The following DDHD1 variants were observed in gnomAD, a reference collection of about 807,000 sequenced individuals.
DDHD1 encodes the protein DDHD domain containing 1, also known as phospholipase DDHD1.
DDHD1 carries 49 observed loss-of-function variants against 96.4 expected under a neutral mutation model. The observed-to-expected ratio is 0.51, with a 90% CI of 0.40 to 0.64. DDHD1 has a LOEUF of 0.64. DDHD1 is among the 30% of genes least tolerant of loss of function. DDHD1 has a pLI of 0.00. For missense variants in DDHD1, 1,106 were observed against 1,161.2 expected (o/e 0.95, Z 0.69); for synonymous variants, 442 against 446.5 (o/e 0.99, Z 0.13).
At chr14:53,125,679 T>C (rs1302491161) in intron 1 of DDHD1, among the ~76,000 whole-genome samples, 1 of 152,046 alleles carries the variant, frequency 6.6e-6, no homozygotes, top group Non-Finnish European at 1.5e-5. Flanking sequence ...CAGAATCACC[T>C]GAGGAATTAA....
chr14:53,152,538 C>A lies in DDHD1; in HGVS notation c.561G>T (p.Ser187=). The A allele has an allele frequency of 6.2e-7, 1 of 1,613,492 alleles. No individual in the cohort carries two copies. Among genetic ancestry groups the A allele is most frequent in the Non-Finnish European group, 8.5e-7 (1 of 1,179,928 alleles). The change falls in exon 1 of 13, where the codon TCG becomes TCT. Residue 187 remains serine (S), a synonymous_variant. Transcript: ENST00000673822. ...KTWKPFIGYD[S]LRIELAFRTL... is the part of the protein sequence containing the mutation. The stretch of plus-strand genomic sequence containing the variant: ...TCCGGAAGGCGAGCTCGATGCGGAG[C>A]GAGTCGTAGCCGATGAAGGGCTTCC...
intron 1 of DDHD1, among the ~76,000 whole-genome samples, chr14:53,128,709 GTC>G (rs1399802031): frequency 2.0e-5 from 3 of 152,178 alleles, no homozygotes; most frequent in Non-Finnish European, 2.9e-5. Flanking sequence ...TGATACAAAA[GTC>G]TATCACTTCT....
At chr14:53,102,706 T>C (rs1290731886) in intron 2 of DDHD1, among the ~76,000 whole-genome samples, 1 of 151,506 alleles carries the variant, frequency 6.6e-6, no homozygotes, top group Non-Finnish European at 1.5e-5. Flanking sequence ...GGAGTGTTAC[T>C]AACAAGAAGA....
chr14:53,054,248 G>A (rs1170840092), intron 11 of DDHD1, 190 bp downstream of exon 11: 7 of 535,088 alleles, frequency 1.3e-5, no homozygotes, highest in Non-Finnish European at 2.3e-5. Flanking sequence ...AATGCAGAAA[G>A]TAAAACTGCA....
chr14:53,088,092 T>C (rs202121392), intron 4 of DDHD1, among the ~76,000 whole-genome samples: 2 of 152,128 alleles, frequency 1.3e-5, no homozygotes, highest in Non-Finnish European at 2.9e-5. Context: ...CCTGGACACA[T>C]ACACCTTTCC....
chr14:53,109,750 A>G (rs1381356272), intron 1 of DDHD1, among the ~76,000 whole-genome samples: 1 of 152,204 alleles, frequency 6.6e-6, no homozygotes, highest in African/African-American at 2.4e-5. Flanking sequence ...TTTACAAATG[A>G]ATAAGCTAAG....
rs913706379 is a variant in DDHD1 at position 53,038,373 on chromosome 14, A to G, written c.*8395T>C. On this transcript the variant is annotated 3_prime_UTR_variant, in exon 13 of 13. Transcript: ENST00000673822. ...ATTAGGAGCATTTCTATACACCAAT[A>G]ACGTTCAAGCTGAGAGCAAATCAAG... The G allele has an allele frequency of 2.0e-5, 3 of 152,194 alleles. No homozygotes were observed. The highest frequency in any genetic ancestry group is 7.2e-5 in the African/African-American group (3 of 41,454). The allele number at this position is 152,194 out of a possible 1,614,324, so 9.4% of individuals were successfully genotyped here. A position where few individuals can be genotyped will look rare whatever the true frequency, so the allele number is the denominator to read the frequency against.
chr14:53,152,817 G>A lies in DDHD1; in HGVS notation c.282C>T (p.Ala94=). 4 of 1,611,192 alleles carry A rather than the reference G, an allele frequency of 2.5e-6. No individual in the cohort carries two copies. The highest frequency in any genetic ancestry group is 1.7e-5 in the Admixed American group (1 of 59,896). ...AGTAGCGCAGCGAGGAGCCCGACTC[G>A]GCGGAGCTGAAGTCATAGTTCTCGT... ...LSDENYDFSS[A]ESGSSLRYYS... is the part of the protein sequence containing the mutation. Residue 94 remains alanine, a synonymous_variant, in exon 1 of 13, where the codon GCC becomes GCT. Coordinates refer to ENST00000673822, the MANE Select transcript of DDHD1 (RefSeq NM_001160148.2).
intron 1 of DDHD1, among the ~76,000 whole-genome samples, chr14:53,142,199 G>A (rs747540545): frequency 2.0e-5 from 3 of 152,196 alleles, no homozygotes; most frequent in Non-Finnish European, 4.4e-5. Context: ...AAGGGAATTT[G>A]ACAACAAAGA....
chr14:53,093,649 T>C (rs1021052056), intron 2 of DDHD1: 2 of 547,702 alleles, frequency 3.7e-6, no homozygotes, highest in Non-Finnish European at 6.0e-6. Flanking sequence ...TGATTAATCC[T>C]GCTACAGGGA....
At chr14:53,049,460 A>G (rs1478796621) in intron 12 of DDHD1, among the ~76,000 whole-genome samples, 1 of 152,126 alleles carries the variant, frequency 6.6e-6, no homozygotes, top group African/African-American at 2.4e-5. Flanking sequence ...TTTTAGGTAG[A>G]TGACAGATTT....
chr14:53,096,512 T>C (rs1352077627), intron 2 of DDHD1, among the ~76,000 whole-genome samples: 1 of 152,168 alleles, frequency 6.6e-6, no homozygotes, highest in Non-Finnish European at 1.5e-5. Flanking sequence ...GAACATAACA[T>C]TTTCAAATGC....
At chr14:53,075,177 TTGAGCTTAG>T (rs1488283115) in intron 4 of DDHD1, among the ~76,000 whole-genome samples, 7 of 152,088 alleles carry the variant, frequency 4.6e-5, no homozygotes, top group Non-Finnish European at 8.8e-5. Flanking sequence ...CCAGAAATGA[TTGAGCTTAG>T]TGAGAGAGGC....
intron 1 of DDHD1, among the ~76,000 whole-genome samples, chr14:53,150,246 T>C (rs1464174033): frequency 6.6e-6 from 1 of 152,206 alleles, no homozygotes; most frequent in Non-Finnish European, 1.5e-5. Flanking sequence ...CTCTGCTTCA[T>C]TAAATTCATC....
intron 6 of DDHD1, among the ~76,000 whole-genome samples, chr14:53,071,797 A>G (rs1884530595): frequency 6.6e-6 from 1 of 152,148 alleles, no homozygotes; most frequent in Non-Finnish European, 1.5e-5. Context: ...AAGGCCCAGG[A>G]AAGTCAAAAT....
intron 1 of DDHD1, among the ~76,000 whole-genome samples, chr14:53,135,993 G>A (rs1890210666): frequency 6.6e-6 from 1 of 152,162 alleles, no homozygotes. Context: ...CCACAAAAGT[G>A]AAAATAGCCT....
chr14:53,083,268 A>G (rs1423250025), intron 4 of DDHD1, among the ~76,000 whole-genome samples: 1 of 152,160 alleles, frequency 6.6e-6, no homozygotes, highest in East Asian at 1.9e-4. Context: ...TGTTCAACAT[A>G]CTGTGTTTAA....
At chr14:53,058,296 G>T (rs1234208324) in intron 9 of DDHD1, among the ~76,000 whole-genome samples, 181 bp downstream of exon 9, 3 of 151,810 alleles carry the variant, frequency 2.0e-5, no homozygotes, top group African/African-American at 2.4e-5. Context: ...TGTATTTTTA[G>T]TAGAGATGAG....
At chr14:53,131,856 C>T (rs1490172193) in intron 1 of DDHD1, among the ~76,000 whole-genome samples, 2 of 152,144 alleles carry the variant, frequency 1.3e-5, no homozygotes, top group Non-Finnish European at 2.9e-5. Context: ...CCCTCCAAAG[C>T]TCAAATTTCT....
Sources: gnomAD v4.1 joint callset for allele counts (sites outside exome capture counted in the v4.1 genomes callset) on GRCh38, gnomAD v4.1.1 for gene constraint, MANE v1.5 for transcripts, NCBI Gene and HGNC (gene_info 2026-07-23, HGNC 2026-07-21) for gene names.